The following NXPE1 variants were observed in gnomAD, a reference collection of about 807,000 sequenced individuals.
NXPE1 encodes the protein neurexophilin and PC-esterase domain family member 1, also known as NXPE family member 1.
In NXPE1, 31 loss-of-function variants were observed where a neutral mutation model predicts 33.3. That is an observed-to-expected ratio of 0.93 (90% CI 0.70 to 1.26). The LOEUF (loss-of-function observed/expected upper bound fraction) is 1.26, where lower values mean the gene tolerates loss of function less well. Among genes scored for constraint, NXPE1 ranks in the 50% most tolerant of loss-of-function variants. NXPE1 has a pLI of 0.00. For missense variants in NXPE1, 661 were observed against 655.6 expected (o/e 1.01, Z -0.09); for synonymous variants, 229 against 231.4 (o/e 0.99, Z 0.09).
intron 5 of NXPE1, among the ~76,000 whole-genome samples, chr11:114,539,587 C>T (rs1476575057): frequency 6.6e-6 from 1 of 151,910 alleles, no homozygotes; most frequent in East Asian, 1.9e-4. Context: ...TTAATTCTCT[C>T]TCAAAAAAAA....
At chr11:114,555,936 G>A (rs1169081126) in intron 1 of NXPE1, among the ~76,000 whole-genome samples, 1 of 152,140 alleles carries the variant, frequency 6.6e-6, no homozygotes, top group African/African-American at 2.4e-5. Context: ...TTTAAAGATT[G>A]GGGCTATTGT....
chr11:114,557,709 CCTT>C (rs1298735794), intron 1 of NXPE1, among the ~76,000 whole-genome samples: 1 of 141,484 alleles, frequency 7.1e-6, no homozygotes, highest in Non-Finnish European at 1.5e-5. Flanking sequence ...CATTTAGTTT[CCTT>C]CTTTTTCATT....
At position 114,523,111 on chromosome 11, in the gene NXPE1, TA is replaced by T; in HGVS notation, c.896-21del. 6.4e-7 allele frequency: 1 copy of T among 1,572,654 alleles called. No individual in the cohort carries two copies. Among genetic ancestry groups the T allele is most frequent in the Non-Finnish European group, 8.7e-7 (1 of 1,144,008 alleles). ...CTCTCTCTGGTAACAAAGACACTCGTAAATGATTTTATTGGCAAAACTTAGA... is the reference window on the plus strand; with the variant it reads ...CTCTCTCTGGTAACAAAGACACTCGTAATGATTTTATTGGCAAAACTTAGA... On this transcript the variant is annotated intron_variant, in intron 7 of 8. Transcript: ENST00000534921.
At chr11:114,537,295 C>T (rs190988121) in intron 5 of NXPE1, among the ~76,000 whole-genome samples, 14 of 152,272 alleles carry the variant, frequency 9.2e-5, no homozygotes, top group African/African-American at 3.4e-4. Flanking sequence ...ATAATAAGAG[C>T]TATCTATGAC....
chr11:114,545,924 T>C (rs998915311), intron 5 of NXPE1, among the ~76,000 whole-genome samples: 2 of 152,048 alleles, frequency 1.3e-5, no homozygotes, highest in East Asian at 3.9e-4. Context: ...AGCTTGACTT[T>C]GCGATCCACC....
intron 7 of NXPE1, among the ~76,000 whole-genome samples, chr11:114,525,818 A>G (rs1947351930): frequency 6.6e-6 from 1 of 152,230 alleles, no homozygotes. Context: ...TACATGTATA[A>G]GAGTCAAGCC....
chr11:114,547,608 G>A (rs977056954), intron 5 of NXPE1, among the ~76,000 whole-genome samples: 1 of 152,260 alleles, frequency 6.6e-6, no homozygotes, highest in South Asian at 2.1e-4. Context: ...GCTGGTTCAT[G>A]TTTGTCATCC....
chr11:114,522,311 A>G (rs187280564), exon 9 of NXPE1: 2 of 1,614,100 alleles, frequency 1.2e-6, no homozygotes, highest in African/African-American at 2.7e-5. Context: ...GGTGATGACG[A>G]TGGCTGTGTT....
At chr11:114,549,712 G>C (rs1591300536) in intron 5 of NXPE1, among the ~76,000 whole-genome samples, 1 of 152,046 alleles carries the variant, frequency 6.6e-6, no homozygotes, top group South Asian at 2.1e-4. Flanking sequence ...TCAACATTGG[G>C]ATGGAGGTGT....
chr11:114,540,015 T>C (rs994896501), intron 5 of NXPE1, among the ~76,000 whole-genome samples: 2 of 152,242 alleles, frequency 1.3e-5, no homozygotes. Context: ...AATTTCCTTA[T>C]GACCTCACAT....
At chr11:114,541,364 CA>C (rs1266046197) in intron 5 of NXPE1, among the ~76,000 whole-genome samples, 1 of 151,996 alleles carries the variant, frequency 6.6e-6, no homozygotes, top group Non-Finnish European at 1.5e-5. Context: ...TAACTATGCT[CA>C]ATGAGGTAAA....
chr11:114,533,572 G>T (rs566090206), intron 5 of NXPE1, among the ~76,000 whole-genome samples: 9 of 152,298 alleles, frequency 5.9e-5, no homozygotes, highest in African/African-American at 2.2e-4. Flanking sequence ...CTGGAAAATC[G>T]GGTCACTCCC....
intron 1 of NXPE1, among the ~76,000 whole-genome samples, chr11:114,556,814 T>C (rs1490645483): frequency 2.0e-5 from 3 of 152,078 alleles, no homozygotes; most frequent in Non-Finnish European, 2.9e-5. Flanking sequence ...TTATCGTTGA[T>C]ATATCTATGT....
intron 5 of NXPE1, among the ~76,000 whole-genome samples, chr11:114,546,195 C>G (rs1345434103): frequency 1.3e-5 from 2 of 152,174 alleles, no homozygotes; most frequent in African/African-American, 4.8e-5. Context: ...CATATAAGCA[C>G]TGTACTCTCA....
downstream of NXPE1, among the ~76,000 whole-genome samples, chr11:114,520,424 T>A (rs1192883803): frequency 6.6e-6 from 1 of 152,224 alleles, no homozygotes; most frequent in Non-Finnish European, 1.5e-5. Flanking sequence ...GGTTCACCCA[T>A]GTTATTGCAA....
At chr11:114,528,217 A>G (rs1947439396) in intron 6 of NXPE1, among the ~76,000 whole-genome samples, 2 of 152,110 alleles carry the variant, frequency 1.3e-5, no homozygotes, top group African/African-American at 4.8e-5. Flanking sequence ...CACATCTCCT[A>G]TTCAAGTTTG....
chr11:114,525,862 A>G (rs1565297192), intron 7 of NXPE1, among the ~76,000 whole-genome samples: 1 of 152,182 alleles, frequency 6.6e-6, no homozygotes, highest in Admixed American at 6.5e-5. Flanking sequence ...TTTGGAAGTT[A>G]ATCCACTGGG....
intron 5 of NXPE1, among the ~76,000 whole-genome samples, chr11:114,543,532 A>T (rs1256419177): frequency 6.6e-6 from 1 of 151,702 alleles, no homozygotes; most frequent in African/African-American, 2.4e-5. Context: ...AAAAAAAAAA[A>T]ATCTTTTTAG....
At chr11:114,543,750 G>C (rs1371471227) in intron 5 of NXPE1, among the ~76,000 whole-genome samples, 2 of 151,592 alleles carry the variant, frequency 1.3e-5, no homozygotes, top group Non-Finnish European at 1.5e-5. Context: ...AAAACAAGAA[G>C]GAAAAATAAG....
Sources: allele counts gnomAD v4.1 joint callset (sites outside exome capture counted in the v4.1 genomes callset), GRCh38; gene constraint gnomAD v4.1.1; transcripts MANE v1.5; gene names NCBI Gene and HGNC (gene_info 2026-07-23, HGNC 2026-07-21).